The following HPSE variants were observed in gnomAD, a reference collection of about 807,000 sequenced individuals.
The protein encoded by HPSE is heparanase, also known as endo-glucoronidase.
In HPSE, 48 loss-of-function variants were observed where a neutral mutation model predicts 65.1. The ratio of observed to expected loss-of-function variants is 0.74; its 90% CI spans 0.58 to 0.94. HPSE has a LOEUF of 0.94. HPSE is among the 40% of genes least tolerant of loss of function. The pLI, the probability that HPSE is intolerant of heterozygous loss-of-function variation, is 0.00. For synonymous variants in HPSE, 243 were observed against 260.0 expected (o/e 0.93, Z 0.63); for missense variants, 644 against 637.5 (o/e 1.01, Z -0.11).
In HPSE at chr4:83,334,611, A is replaced by G. The variant is rs778710978; in HGVS notation, c.172T>C (p.Ser58Pro). The change falls in exon 1 of 12, where the codon TCC becomes CCC. Residue 58 changes from serine (S) to proline (P), a missense_variant. By Grantham distance (74) the Ser-to-Pro change is moderately conservative. Transcript: ENST00000311412. ...PLHLVSPSFL[S>P]VTIDANLATD... ...GCCAGGTTGGCGTCAATGGTGACGGACAGGAACGAGGGGCTCACCAGGTGC... is the reference window on the plus strand; with the variant it reads ...GCCAGGTTGGCGTCAATGGTGACGGGCAGGAACGAGGGGCTCACCAGGTGC... 1 of 1,593,860 alleles carries G rather than the reference A, an allele frequency of 6.3e-7. No individual in the cohort carries two copies. Among genetic ancestry groups the G allele is most frequent in the South Asian group, 1.1e-5 (1 of 87,660 alleles).
At chr4:83,323,911 C>A (rs557491519) in intron 1 of HPSE, among the ~76,000 whole-genome samples, 1 of 152,050 alleles carries the variant, frequency 6.6e-6, no homozygotes, top group South Asian at 2.1e-4. Context: ...AACAGAAGAC[C>A]TGGGTAAGAG....
At chr4:83,332,817 T>C (rs1041072169) in intron 1 of HPSE, among the ~76,000 whole-genome samples, 4 of 152,204 alleles carry the variant, frequency 2.6e-5, no homozygotes, top group Admixed American at 2.0e-4. Flanking sequence ...CTGTCCTTTC[T>C]TGGGGAGAGG....
intron 1 of HPSE, among the ~76,000 whole-genome samples, chr4:83,324,962 G>C (rs1237779419): frequency 6.6e-6 from 1 of 152,168 alleles, no homozygotes; most frequent in African/African-American, 2.4e-5. Flanking sequence ...AGTACTCATA[G>C]TGTAATTTTA....
chr4:83,328,803 G>A (rs1737249402), intron 1 of HPSE, among the ~76,000 whole-genome samples: 1 of 152,054 alleles, frequency 6.6e-6, no homozygotes, highest in Non-Finnish European at 1.5e-5. Flanking sequence ...AAAATGGGAG[G>A]AGTTGAAGAT....
At position 83,322,785 on chromosome 4, in the gene HPSE, TTGTTTGTGTGTGTG is replaced by T. The variant is rs1251127127; in HGVS notation, c.228-435_228-422del. On this transcript the variant is annotated intron_variant, in intron 1 of 11. Transcript: ENST00000311412. ...TTGTAGCTCTAATTCTGGCAAGAGC[TTGTTTGTGTGTGTG>T]TGTGTGTGTGTGTGTGTGTGTGTGT... Among the ~76,000 whole-genome samples the T allele has an allele frequency of 2.7e-4, 21 of 78,880 alleles. No individual in the cohort carries two copies. The East Asian group carries it at 4.8e-3, about 18-fold the overall frequency. 51.7% of individuals were successfully genotyped at this position (78,880 alleles called of 152,430 possible).
intron 11 of HPSE, among the ~76,000 whole-genome samples, chr4:83,299,922 C>G (rs1029128276): frequency 1.3e-5 from 2 of 152,050 alleles, no homozygotes; most frequent in Non-Finnish European, 2.9e-5. Flanking sequence ...AGGCTGGTCT[C>G]AAACTCCTGG....
chr4:83,307,725 T>C (rs1468827456), intron 8 of HPSE, among the ~76,000 whole-genome samples: 2 of 152,108 alleles, frequency 1.3e-5, no homozygotes, highest in Admixed American at 1.3e-4. Context: ...AAAACAAACA[T>C]CTCCATTCTT....
intron 3 of HPSE, among the ~76,000 whole-genome samples, chr4:83,315,834 A>T (rs1319725903): frequency 6.6e-6 from 1 of 152,184 alleles, no homozygotes; most frequent in Non-Finnish European, 1.5e-5. Flanking sequence ...AACAAAGATT[A>T]TAGCATTTTC....
chr4:83,334,787 G>A lies in HPSE; in HGVS notation c.-5C>T. The A allele has an allele frequency of 6.6e-7, 1 of 1,517,866 alleles. No individual in the cohort carries two copies. Among genetic ancestry groups the A allele is most frequent in the Non-Finnish European group, 8.8e-7 (1 of 1,131,476 alleles). The allele number at this position is 1,517,866 out of a possible 1,614,324, so 94.0% of individuals were successfully genotyped here. ...AGGCTTCGAGCGCAGCAGCATCTTG[G>A]GCTCACCTGGCTGCTCCCCCCGCCA... On this transcript the variant is annotated 5_prime_UTR_variant, in exon 1 of 12. Transcript: ENST00000311412.
At chr4:83,298,529 C>T (rs773416031) in intron 11 of HPSE, among the ~76,000 whole-genome samples, 26 of 151,376 alleles carry the variant, frequency 1.7e-4, no homozygotes, top group African/African-American at 5.1e-4. Flanking sequence ...TCTTACTATG[C>T]AGGACCCTAA....
intron 1 of HPSE, among the ~76,000 whole-genome samples, chr4:83,322,793 G>T (rs867201891): frequency 1.7e-4 from 17 of 100,282 alleles, no homozygotes; most frequent in African/African-American, 6.3e-4. Context: ...GCTTGTTTGT[G>T]TGTGTGTGTG....
chr4:83,331,584 C>T (rs553479456), intron 1 of HPSE, among the ~76,000 whole-genome samples: 17 of 152,232 alleles, frequency 1.1e-4, no homozygotes, highest in African/African-American at 1.7e-4. Flanking sequence ...TCTGGGAAGA[C>T]GACAAATTGA....
At chr4:83,317,181 G>A (rs1456551916) in intron 3 of HPSE, among the ~76,000 whole-genome samples, 5 of 152,346 alleles carry the variant, frequency 3.3e-5, no homozygotes, top group African/African-American at 4.8e-5. Flanking sequence ...TTACAGGTGT[G>A]AGCCACAGCA....
At chr4:83,300,403 C>T (rs998428118) in intron 11 of HPSE, among the ~76,000 whole-genome samples, 13 of 152,198 alleles carry the variant, frequency 8.5e-5, no homozygotes, top group African/African-American at 2.7e-4. Flanking sequence ...AATTTAAATG[C>T]GTTGAGTGGA....
intron 7 of HPSE, 113 bp downstream of exon 7, chr4:83,309,289 G>C (rs1560507628): frequency 1.5e-6 from 1 of 648,042 alleles, no homozygotes; most frequent in Non-Finnish European, 2.7e-6. Context: ...CATAGTGCTT[G>C]TTCTCTAAAA....
chr4:83,330,739 C>T (rs372221696), intron 1 of HPSE, among the ~76,000 whole-genome samples: 2 of 152,308 alleles, frequency 1.3e-5, no homozygotes, highest in Middle Eastern at 3.4e-3. Context: ...GATTGCTGTT[C>T]GTACCACTTT....
chr4:83,313,407 A>G, intron 3 of HPSE, 120 bp from the exon 4 acceptor site: 1 of 608,870 alleles, frequency 1.6e-6, no homozygotes, highest in African/African-American at 1.9e-5. Context: ...TAGTTCTAAT[A>G]AATGATTATA....
intron 9 of HPSE, among the ~76,000 whole-genome samples, chr4:83,303,536 A>G (rs1013375770): frequency 6.6e-5 from 10 of 152,190 alleles, no homozygotes; most frequent in African/African-American, 1.2e-4. Flanking sequence ...TGTTTTTACA[A>G]AAAGGATACA....
At chr4:83,302,106 C>G (rs199957714) in intron 10 of HPSE, 44 bp downstream of exon 10, 18 of 1,286,794 alleles carry the variant, frequency 1.4e-5, no homozygotes, top group Non-Finnish European at 1.1e-6. Flanking sequence ...ACAGGCTTAC[C>G]CACTAAAACT....
Sources: allele counts gnomAD v4.1 joint callset (sites outside exome capture counted in the v4.1 genomes callset), GRCh38; gene constraint gnomAD v4.1.1; transcripts MANE v1.5; gene names NCBI Gene and HGNC (gene_info 2026-07-23, HGNC 2026-07-21).